The following ZC3H15 variants were observed in gnomAD, a reference collection of about 807,000 sequenced individuals.
ZC3H15 encodes the protein zinc finger CCCH domain-containing protein 15.
ZC3H15 carries 15 observed loss-of-function variants against 51.2 expected under a neutral mutation model. That is an observed-to-expected ratio of 0.29 (90% CI 0.20 to 0.45). The LOEUF is 0.45. Among genes scored for constraint, ZC3H15 ranks in the 20% least tolerant of loss-of-function variants. ZC3H15 has a pLI of 1.00. For synonymous variants in ZC3H15, 144 were observed against 162.8 expected, an observed-to-expected ratio of 0.88 and a Z score of 0.88; for missense variants, 381 against 494.7, an observed-to-expected ratio of 0.77 and a Z score of 2.18.
rs1310913558 is a variant in ZC3H15 at position 186,487,833 on chromosome 2, T to G, written c.75+1376T>G. ...TATGTAATAATTTAGACAATTTAAA[T>G]TATACTTCATGCATTGTAGAGCTTT... On this transcript the variant is annotated intron_variant, in intron 1 of 9. Coordinates refer to ENST00000337859, the MANE Select transcript of ZC3H15 (RefSeq NM_018471.3). Among the ~76,000 whole-genome samples, 9 of 152,260 alleles carry G rather than the reference T, an allele frequency of 5.9e-5. No homozygotes were observed. In the East Asian group the frequency reaches 1.7e-3, roughly 29 times the overall value.
At position 186,505,501 on chromosome 2, in the gene ZC3H15, T is replaced by G. The variant is rs998216893; in HGVS notation, c.768T>G (p.Leu256=). ...CCAAAATCACTCTAGAATCTTTTCT[T>G]GCCTGGAAGAAAAGGAAAAGACAAG... ...NVTKITLESF[L]AWKKRKRQEK... The change falls in exon 7 of 10, where the codon CTT becomes CTG. Residue 256 remains leucine, a synonymous_variant. Coordinates refer to ENST00000337859, the MANE Select transcript of ZC3H15 (RefSeq NM_018471.3). 1 of 1,598,518 alleles carries G rather than the reference T, an allele frequency of 6.3e-7. No individual in the cohort carries two copies. Among genetic ancestry groups the G allele is most frequent in the Middle Eastern group, 1.7e-4 (1 of 5,956 alleles).
intron 9 of ZC3H15, 136 bp downstream of exon 9, chr2:186,506,972 C>T: frequency 2.0e-6 from 2 of 990,486 alleles, no homozygotes; most frequent in South Asian, 1.9e-5. Context: ...TAAATAAAAG[C>T]AGTAATAAAT....
chr2:186,499,144 C>G (rs992088611), intron 2 of ZC3H15, among the ~76,000 whole-genome samples: 16 of 152,178 alleles, frequency 1.1e-4, no homozygotes, highest in Non-Finnish European at 5.9e-5. Flanking sequence ...TTTCTCCATC[C>G]TTACCAGTAA....
intron 5 of ZC3H15, among the ~76,000 whole-genome samples, chr2:186,503,490 C>T (rs570691630): frequency 2.7e-4 from 41 of 152,276 alleles, no homozygotes; most frequent in African/African-American, 9.9e-4. Flanking sequence ...GATTCTCCTG[C>T]GTCAGCCTCC....
At chr2:186,492,920 C>T (rs537792204) in intron 1 of ZC3H15, among the ~76,000 whole-genome samples, 2 of 152,160 alleles carry the variant, frequency 1.3e-5, no homozygotes, top group South Asian at 4.1e-4. Context: ...TCTCTAAAAC[C>T]ACCCATAAAC....
At chr2:186,495,210 T>C (rs1175969828) in intron 1 of ZC3H15, 23 bp from the exon 2 acceptor site, 9 of 1,451,474 alleles carry the variant, frequency 6.2e-6, no homozygotes, top group Admixed American at 2.4e-5. Context: ...TGCTAAGATA[T>C]TTCTGTGCTC....
At chr2:186,486,809 G>C (rs1685104083) in intron 1 of ZC3H15, 1 of 250,304 alleles carries the variant, frequency 4.0e-6, no homozygotes, top group East Asian at 7.5e-5. Flanking sequence ...GAAATACGCT[G>C]AACGGTCTCG....
At chr2:186,496,358 C>T (rs1375839977) in intron 2 of ZC3H15, among the ~76,000 whole-genome samples, 1 of 152,204 alleles carries the variant, frequency 6.6e-6, no homozygotes, top group African/African-American at 2.4e-5. Flanking sequence ...GCTGGGACTA[C>T]AGGCGCATGA....
chr2:186,502,056 G>A (rs1319646676), intron 4 of ZC3H15, among the ~76,000 whole-genome samples: 1 of 151,320 alleles, frequency 6.6e-6, no homozygotes, highest in Non-Finnish European at 1.5e-5. Flanking sequence ...GGTGTTTTAA[G>A]AAAACCGTGA....
chr2:186,501,281 C>T lies in ZC3H15; in HGVS notation c.298C>T (p.Pro100Ser), dbSNP rs777909527. 7 of 1,606,224 alleles carry T rather than the reference C, an allele frequency of 4.4e-6. No homozygotes were observed. Among genetic ancestry groups the T allele is most frequent in the Non-Finnish European group, 6.0e-6 (7 of 1,176,298 alleles). Residue 100 changes from proline (P) to serine (S), a missense_variant, in exon 4 of 10, where the codon CCC becomes TCC. Pro to Ser is a moderately conservative substitution (Grantham distance 74, BLOSUM62 -1). Coordinates refer to ENST00000337859, the MANE Select transcript of ZC3H15 (RefSeq NM_018471.3). ...AAQKISKGADPKSVVCAFFKQ... is the reference protein window; with the variant it reads ...AAQKISKGADSKSVVCAFFKQ... ...TATGCCATTTGACATAGGTGCAGAT[C>T]CCAAGTCTGTAGTATGTGCATTCTT...
intron 6 of ZC3H15, among the ~76,000 whole-genome samples, chr2:186,504,551 CT>C (rs1685437538): frequency 6.6e-6 from 1 of 152,082 alleles, no homozygotes; most frequent in Non-Finnish European, 1.5e-5. Context: ...GCCCTGATAT[CT>C]TTTTTCACTA....
At position 186,509,194 on chromosome 2, in the gene ZC3H15, C is replaced by G; in HGVS notation, c.*461C>G. 3.2e-6 allele frequency: 1 copy of G among 315,854 alleles called. No homozygotes were observed. The highest frequency in any genetic ancestry group is 2.9e-5 in the South Asian group (1 of 35,036). 19.6% of individuals were successfully genotyped at this position (315,854 alleles called of 1,614,324 possible). ...TACTTCATAAAGGAAACTGCGTATGCAGATTCAGTATTGTGTATCTTTGGA... is the reference window on the plus strand; with the variant it reads ...TACTTCATAAAGGAAACTGCGTATGGAGATTCAGTATTGTGTATCTTTGGA... On this transcript the variant is annotated 3_prime_UTR_variant, in exon 10 of 10. Coordinates refer to ENST00000337859, the MANE Select transcript of ZC3H15 (RefSeq NM_018471.3).
rs1225743371 is a variant in ZC3H15, at chr2:186,506,775, T to C, written c.1029T>C (p.Asp343=). 1.9e-6 allele frequency: 3 copies of C among 1,613,732 alleles called. No individual in the cohort carries two copies. Among genetic ancestry groups the C allele is most frequent in the Admixed American group, 1.7e-5 (1 of 60,016 alleles). Reference sequence around the variant, plus strand: ...GCCTGTACATCCCAAGAGATGTAGATGAAACAGGTATTACTGTAGCCAGTC... The same window carrying C: ...GCCTGTACATCCCAAGAGATGTAGACGAAACAGGTATTACTGTAGCCAGTC... ...DLSLYIPRDV[D]ETGITVASLE... The change falls in exon 9 of 10, where the codon GAT becomes GAC. Residue 343 remains aspartate, a synonymous_variant. Coordinates refer to ENST00000337859, the MANE Select transcript of ZC3H15 (RefSeq NM_018471.3).
intron 1 of ZC3H15, among the ~76,000 whole-genome samples, chr2:186,491,498 G>T (rs1490377022): frequency 6.6e-6 from 1 of 152,162 alleles, no homozygotes; most frequent in Non-Finnish European, 1.5e-5. Flanking sequence ...CAGGAAGTCT[G>T]CCTCTAGAGT....
Position 186,491,152 on chromosome 2 carries a change from G to A in ZC3H15, c.76-4081G>A, listed in dbSNP as rs146779215. Among the ~76,000 whole-genome samples, 632 of 152,198 alleles carry A rather than the reference G, an allele frequency of 4.2e-3. 4 individuals are homozygous for A. The highest frequency in any genetic ancestry group is 0.014 in the African/African-American group (599 of 41,518). On this transcript the variant is annotated intron_variant, in intron 1 of 9. Coordinates refer to ENST00000337859, the MANE Select transcript of ZC3H15 (RefSeq NM_018471.3). ...GTGTGATATTTAGAAAGGTTATTGC[G>A]CACCAACCAGCCCAATAACTTAATG...
chr2:186,508,353 G>A (rs55633652), intron 9 of ZC3H15, among the ~76,000 whole-genome samples, 190 bp from the exon 10 acceptor site: 2,540 of 152,306 alleles, frequency 0.017, 33 homozygotes, highest in Non-Finnish European at 0.022. Context: ...GTATTTTATA[G>A]TAGGTATAGA....
Position 186,505,563 on chromosome 2 carries a change from G to T in ZC3H15, c.830G>T (p.Arg277Met). ...IDKLEQDMER[R>M]KADFKAGKAL... ...AAACTTGAACAAGATATGGAAAGAAGGAAAGCTGACTTCAAAGCAGGGAAA... is the reference window on the plus strand; with the variant it reads ...AAACTTGAACAAGATATGGAAAGAATGAAAGCTGACTTCAAAGCAGGGAAA... The change falls in exon 7 of 10, where the codon AGG (arginine) becomes ATG (methionine). Residue 277 changes from arginine (R) to methionine (M), a missense_variant. Arg to Met is a moderately conservative substitution (Grantham distance 91, BLOSUM62 -1). Coordinates refer to ENST00000337859, the MANE Select transcript of ZC3H15 (RefSeq NM_018471.3). 6.2e-7 allele frequency: 1 copy of T among 1,608,232 alleles called. No homozygotes were observed. Among genetic ancestry groups the T allele is most frequent in the South Asian group, 1.1e-5 (1 of 89,926 alleles).
chr2:186,490,831 C>T (rs533378361), intron 1 of ZC3H15, among the ~76,000 whole-genome samples: 2 of 152,142 alleles, frequency 1.3e-5, no homozygotes, highest in Admixed American at 6.5e-5. Flanking sequence ...CCTTTTCTTT[C>T]GAGACTCCTC....
chr2:186,503,948 G>A, intron 5 of ZC3H15, 84 bp from the exon 6 acceptor site: 2 of 1,127,504 alleles, frequency 1.8e-6, no homozygotes, highest in Non-Finnish European at 1.2e-6. Flanking sequence ...GTACTTGTGT[G>A]TATACTTGTT....
Sources: gnomAD v4.1 joint callset for allele counts (sites outside exome capture counted in the v4.1 genomes callset) on GRCh38, gnomAD v4.1.1 for gene constraint, MANE v1.5 for transcripts, NCBI Gene and HGNC (gene_info 2026-07-23, HGNC 2026-07-21) for gene names.